ASMTL: variants seen among roughly 807,000 people sequenced by gnomAD.
ASMTL encodes acetylserotonin O-methyltransferase like, also known as probable bifunctional dTTP/UTP pyrophosphatase/methyltransferase protein.
A neutral mutation model predicts 60.3 loss-of-function variants in ASMTL; 57 were observed. The observed-to-expected ratio is 0.95, with a 90% confidence interval of 0.76 to 1.18. The LOEUF is 1.18. ASMTL is among the 50% of genes most tolerant of loss of function. The pLI, the probability that ASMTL is intolerant of heterozygous loss-of-function variation, is 0.00. For synonymous variants in ASMTL, 419 were observed against 373.0 expected (o/e 1.12, Z -1.42); for missense variants, 981 against 852.6 (o/e 1.15, Z -1.88).
intron 12 of ASMTL, among the ~76,000 whole-genome samples, chrX:1,406,768 GGATA>G (rs1247427185): frequency 6.6e-6 from 1 of 151,540 alleles, no homozygotes; most frequent in African/African-American, 2.4e-5. Flanking sequence ...GTAGATGAAT[GGATA>G]GATACATGGA....
At chrX:1,428,223 G>T (rs1371746440) in intron 6 of ASMTL, 102 bp from the exon 7 acceptor site, 6 of 1,414,018 alleles carry the variant, frequency 4.2e-6, no homozygotes, top group Non-Finnish European at 5.7e-6. Flanking sequence ...CACGAGGTCG[G>T]GAGATCGAGG....
chrX:1,414,061 TG>T (rs2090143970), intron 11 of ASMTL: 1 of 150,636 alleles, frequency 6.6e-6, no homozygotes, highest in South Asian at 2.1e-4. Context: ...TGGAGTAGGG[TG>T]GGCCCTAAAT....
intron 1 of ASMTL, among the ~76,000 whole-genome samples, chrX:1,451,342 C>T (rs1403878111): frequency 2.0e-5 from 3 of 149,252 alleles, no homozygotes; most frequent in Non-Finnish European, 4.5e-5. Context: ...GTCACTCTCC[C>T]CTCCCCATTC....
At chrX:1,416,205 A>G (rs1233725369) in intron 11 of ASMTL, among the ~76,000 whole-genome samples, 20 of 151,430 alleles carry the variant, frequency 1.3e-4, no homozygotes. Context: ...AGACATGCAC[A>G]GCAACAGGCA....
chrX:1,439,791 G>A lies in ASMTL; in HGVS notation c.226-647C>T, dbSNP rs759314012. The stretch of plus-strand genomic sequence containing the variant: ...GCGGAGGTTGCAGTGAGCCAAGGTT[G>A]CGCACCTGCACTCCAGCCTGGGTGA... On this transcript the variant is annotated intron_variant, in intron 2 of 12. Transcript: ENST00000381317. Among the ~76,000 whole-genome samples the A allele has an allele frequency of 7.4e-5, 11 of 149,156 alleles. No individual in the cohort carries two copies. In the South Asian group the frequency reaches 2.3e-3, roughly 32 times the overall value.
In ASMTL at chrX:1,428,031, C is replaced by T. The variant is rs776791351; in HGVS notation, c.600G>A (p.Pro200=). 8.1e-6 allele frequency: 13 copies of T among 1,613,556 alleles called. No individual in the cohort carries two copies. The highest frequency in any genetic ancestry group is 5.0e-5 in the Admixed American group (3 of 59,984). Residue 200 remains proline (P), a synonymous_variant, in exon 7 of 13, where the codon CCG becomes CCA. Transcript: ENST00000381317. ...CCAGCTGCTTGCAGAAGTGGTTCAG[C>T]GGGAATCCCACCACGTTCAGAAAGT... ...HGDFLNVVGF[P]LNHFCKQLVK...
intron 11 of ASMTL, among the ~76,000 whole-genome samples, chrX:1,415,480 T>TTTC (rs1331095865): frequency 6.6e-6 from 1 of 151,340 alleles, no homozygotes; most frequent in Non-Finnish European, 1.5e-5. Flanking sequence ...TCTTTTTTTT[T>TTTC]TTGAGATGGA....
chrX:1,437,813 T>C (rs1265065405), intron 3 of ASMTL, among the ~76,000 whole-genome samples: 5 of 151,140 alleles, frequency 3.3e-5, no homozygotes, highest in East Asian at 3.9e-4. Flanking sequence ...AGGAGAATCA[T>C]TGAAACCCGG....
chrX:1,427,738 G>A lies in ASMTL; in HGVS notation c.893C>T (p.Ser298Phe), dbSNP rs1467868871. 1 of 1,605,108 alleles carries A rather than the reference G, an allele frequency of 6.2e-7. No homozygotes were observed. Among genetic ancestry groups the A allele is most frequent in the Non-Finnish European group, 8.5e-7 (1 of 1,173,756 alleles). ...TGAGGAGACAGACACAGGTACCTTG[G>A]ATAGCATAAAGCCCTCAATCAGCTC... is the stretch of plus-strand genomic sequence containing the variant. Reference protein sequence around the residue: ...LLELIEGFMLSKGLLTACKLK... With the variant: ...LLELIEGFMLFKGLLTACKLK... Residue 298 changes from serine (S) to phenylalanine (F), a missense_variant, in exon 7 of 13, where the codon TCC (serine) becomes TTC (phenylalanine). By Grantham distance (155) the Ser-to-Phe change is radical. Coordinates refer to ENST00000381317, the MANE Select transcript of ASMTL (RefSeq NM_004192.4).
intron 2 of ASMTL, 187 bp downstream of exon 2, chrX:1,441,999 G>A (rs1301911621): frequency 4.6e-6 from 3 of 656,698 alleles, no homozygotes; most frequent in Non-Finnish European, 5.4e-6. Flanking sequence ...CATTAATTCT[G>A]TATCATTAAT....
At chrX:1,443,378 A>T (rs772750515) in intron 1 of ASMTL, among the ~76,000 whole-genome samples, 3 of 42,436 alleles carry the variant, frequency 7.1e-5, no homozygotes, top group African/African-American at 1.5e-4. Context: ...CACCACCATC[A>T]TGGACACACG....
At chrX:1,414,740 C>T (rs1439819726) in intron 11 of ASMTL, among the ~76,000 whole-genome samples, 2 of 152,022 alleles carry the variant, frequency 1.3e-5, no homozygotes, top group African/African-American at 4.8e-5. Context: ...TCTGTCTCTG[C>T]AGATCTGGCA....
rs780309584 is a variant in ASMTL at position 1,419,080 on chromosome X, C to G, written c.1280G>C (p.Arg427Thr). Reference protein sequence around the residue: ...AYYQSPETRLRFMRAMHGMTK... With the variant: ...AYYQSPETRLTFMRAMHGMTK... ...CATGCCGTGCATGGCCCGCATGAAC[C>G]TCAGCCGCGTCTCCGGGCTCTGGTA... The change falls in exon 10 of 13, where the codon AGG (arginine) becomes ACG (threonine). Residue 427 changes from arginine (R) to threonine (T), a missense_variant. Transcript: ENST00000381317. 3.6e-5 allele frequency: 58 copies of G among 1,611,194 alleles called. No homozygotes were observed. Among genetic ancestry groups the G allele is most frequent in the Non-Finnish European group, 4.7e-5 (56 of 1,179,558 alleles).
intron 3 of ASMTL, among the ~76,000 whole-genome samples, chrX:1,437,872 G>A (rs1282207501): frequency 6.6e-6 from 1 of 150,414 alleles, no homozygotes; most frequent in East Asian, 1.9e-4. Context: ...AGTCCAGCCT[G>A]GCGACAGAGT....
chrX:1,421,600 A>C, intron 9 of ASMTL, 58 bp downstream of exon 9: 1 of 1,586,444 alleles, frequency 6.3e-7, no homozygotes, highest in Admixed American at 1.7e-5. Flanking sequence ...CTGTGTGTCA[A>C]AGTGTTTTAG....
intron 6 of ASMTL, 80 bp downstream of exon 6, chrX:1,432,189 G>T: frequency 8.3e-7 from 1 of 1,203,912 alleles, no homozygotes; most frequent in Non-Finnish European, 1.2e-6. Context: ...TTTCCCAAAG[G>T]CTGGGTGGGA....
chrX:1,435,040 C>T lies in ASMTL; in HGVS notation c.382G>A (p.Val128Ile), dbSNP rs770689694. The change falls in exon 5 of 13, where the codon GTC (valine) becomes ATC (isoleucine). Residue 128 changes from valine (V) to isoleucine (I), a missense_variant. Physicochemically the swap from Val to Ile is conservative, Grantham distance 29. Coordinates refer to ENST00000381317, the MANE Select transcript of ASMTL (RefSeq NM_004192.4). Reference protein sequence around the residue: ...EHSVFTGVAIVHCSSKDHQLD... With the variant: ...EHSVFTGVAIIHCSSKDHQLD... ...CGGTTACCTTTGCTGGAGCAGTGGA[C>T]GATCGCGACACCTGTGAACACGCTG... 6.3e-5 allele frequency: 102 copies of T among 1,613,908 alleles called. No individual in the cohort carries two copies. Among genetic ancestry groups the T allele is most frequent in the Admixed American group, 2.2e-4 (13 of 60,014 alleles).
chrX:1,421,636 G>C (rs1384062547), intron 9 of ASMTL, 22 bp downstream of exon 9: 1 of 1,613,310 alleles, frequency 6.2e-7, no homozygotes, highest in Non-Finnish European at 8.5e-7. Context: ...ACGGAAAGGT[G>C]TCCGCGGGGG....
chrX:1,433,076 C>T (rs184402913), intron 5 of ASMTL, among the ~76,000 whole-genome samples: 5,080 of 151,962 alleles, frequency 0.033, 147 homozygotes, highest in Admixed American at 0.074. Flanking sequence ...GCAGCCTGGG[C>T]GACAGAGCGA....
Sources: gnomAD v4.1 joint callset for allele counts (sites outside exome capture counted in the v4.1 genomes callset) on GRCh38, gnomAD v4.1.1 for gene constraint, MANE v1.5 for transcripts, NCBI Gene and HGNC (gene_info 2026-07-23, HGNC 2026-07-21) for gene names.